ACTL6B: variants seen among roughly 807,000 people sequenced by gnomAD.
ACTL6B encodes the protein actin-like protein 6B.
ACTL6B carries 48 observed loss-of-function variants against 63.3 expected under a neutral mutation model. That is an observed-to-expected ratio of 0.76 (90% confidence interval 0.60 to 0.96). The LOEUF is 0.96. Ranked by LOEUF, ACTL6B falls within the 50% of genes least tolerant of loss-of-function variation. ACTL6B has a pLI of 0.00. For missense variants in ACTL6B, 350 were observed against 572.2 expected (o/e 0.61, Z 3.96); for synonymous variants, 230 against 223.8 (o/e 1.03, Z -0.25).
Position 100,643,633 on chromosome 7 carries a change from G to A in ACTL6B, c.1201-307C>T, listed in dbSNP as rs1160261189. 3.3e-5 allele frequency among the ~76,000 whole-genome samples: 5 copies of A among 152,218 alleles called. No homozygotes were observed. The East Asian group carries it at 7.7e-4, about 24-fold the overall frequency. ...GATGGCACGCACAGCCCCAGGCCAG[G>A]CAACCTGCACCTGGCACTCAACACC... On this transcript the variant is annotated intron_variant, in intron 13 of 13. Coordinates refer to ENST00000160382, the MANE Select transcript of ACTL6B (RefSeq NM_016188.5).
intron 4 of ACTL6B, among the ~76,000 whole-genome samples, chr7:100,652,663 G>A (rs1803962856): frequency 6.6e-6 from 1 of 150,730 alleles, no homozygotes; most frequent in Non-Finnish European, 1.5e-5. Context: ...ATTGATGAAT[G>A]ATTTAGGGTT....
intron 4 of ACTL6B, among the ~76,000 whole-genome samples, chr7:100,650,383 AAC>A (rs909116234): frequency 6.0e-5 from 9 of 151,046 alleles, no homozygotes; most frequent in Non-Finnish European, 8.9e-5. Flanking sequence ...GACACACATA[AAC>A]ACACACATGC....
chr7:100,651,756 A>G (rs1225789232), intron 4 of ACTL6B, among the ~76,000 whole-genome samples: 2 of 151,386 alleles, frequency 1.3e-5, no homozygotes, highest in Non-Finnish European at 2.9e-5. Context: ...GCTAATTTTT[A>G]TATTTTTGGT....
rs1000994915 is a variant in ACTL6B, at chr7:100,655,222, A to G, written c.269-103T>C. The G allele has an allele frequency of 2.5e-6, 3 of 1,209,628 alleles. No homozygotes were observed. The African/African-American group carries it at 4.5e-5, about 18-fold the overall frequency. 74.9% of individuals were successfully genotyped at this position (1,209,628 alleles called of 1,614,324 possible). On this transcript the variant is annotated intron_variant, in intron 3 of 13. Transcript: ENST00000160382. This position sits in a 1 kb window ranked among gnomAD's most constrained non-coding sequence, Gnocchi z 4.4. Reference sequence around the variant, plus strand: ...GGCCAAGCCCAAAGGAGGGTCAGTGAGTCCAGCTCCAGGGGAACGCCCCCC... The same window carrying G: ...GGCCAAGCCCAAAGGAGGGTCAGTGGGTCCAGCTCCAGGGGAACGCCCCCC...
chr7:100,656,226 G>C, intron 1 of ACTL6B, 104 bp downstream of exon 1: 4 of 1,277,128 alleles, frequency 3.1e-6, no homozygotes, highest in Non-Finnish European at 4.0e-6. Flanking sequence ...GACTCGACCC[G>C]CTCGTGCGCG....
At chr7:100,651,300 C>T (rs531095352) in intron 4 of ACTL6B, among the ~76,000 whole-genome samples, 1 of 152,016 alleles carries the variant, frequency 6.6e-6, no homozygotes, top group South Asian at 2.1e-4. Flanking sequence ...CCTGTAATCC[C>T]AGCGCTTTGG....
In ACTL6B at chr7:100,646,980, C is replaced by G. The variant is rs139951317; in HGVS notation, c.927G>C (p.Ser309=). 9 of 1,613,706 alleles carry G rather than the reference C, an allele frequency of 5.6e-6. No individual in the cohort carries two copies. The highest frequency in any genetic ancestry group is 1.3e-5 in the African/African-American group (1 of 74,836). ...CGCCACACAGCCAAACCTTGACGTT[C>G]GAGGGATCAAACAGGCCCTCAGGGA... ...LRIPEGLFDP[S]NVKGLSGNTM... Residue 309 remains serine (S), a synonymous_variant, in exon 10 of 14, where the codon TCG becomes TCC. Coordinates refer to ENST00000160382, the MANE Select transcript of ACTL6B (RefSeq NM_016188.5). This position sits in a 1 kb window ranked among gnomAD's most constrained non-coding sequence, Gnocchi z 6.1.
chr7:100,645,255 C>T (rs1430237185), intron 13 of ACTL6B, among the ~76,000 whole-genome samples: 2 of 151,996 alleles, frequency 1.3e-5, no homozygotes, highest in Middle Eastern at 3.2e-3. Flanking sequence ...CCTCCAGATG[C>T]GGGTTGCAAC....
chr7:100,655,575 G>A lies in ACTL6B; in HGVS notation c.114C>T (p.Pro38=). The stretch of plus-strand genomic sequence containing the variant: ...CCGCGGCCAGCAGCCCCACTGTGGT[G>A]GGGAAGTCAGCCTGGTGGGGAAGGG... The part of the protein sequence containing the change: ...AGEDCPKADF[P]TTVGLLAAEE... The change falls in exon 3 of 14, where the codon CCC becomes CCT. Residue 38 remains proline, a synonymous_variant. Coordinates refer to ENST00000160382, the MANE Select transcript of ACTL6B (RefSeq NM_016188.5). This position sits in a 1 kb window ranked among gnomAD's most constrained non-coding sequence, Gnocchi z 4.4. 1.9e-6 allele frequency: 3 copies of A among 1,612,782 alleles called. No individual in the cohort carries two copies. Among genetic ancestry groups the A allele is most frequent in the Non-Finnish European group, 2.5e-6 (3 of 1,179,354 alleles).
In ACTL6B at chr7:100,648,496, A is replaced by G; in HGVS notation, c.669+60T>C. 1 of 1,402,314 alleles carries G rather than the reference A, an allele frequency of 7.1e-7. No homozygotes were observed. Among genetic ancestry groups the G allele is most frequent in the South Asian group, 1.4e-5 (1 of 71,122 alleles). The allele number at this position is 1,402,314 out of a possible 1,614,324, so 86.9% of individuals were successfully genotyped here. ...TGATATCTCATGTGTCAGAGGGTTG[A>G]CGGCCATGGGGCGAGTGGCCAGGAC... On this transcript the variant is annotated intron_variant, in intron 7 of 13. Coordinates refer to ENST00000160382, the MANE Select transcript of ACTL6B (RefSeq NM_016188.5). The surrounding 1 kb of genome is among the most constrained non-coding windows in gnomAD (Gnocchi z 4.4).
chr7:100,650,963 G>GACATTCT (rs1475317680), intron 4 of ACTL6B, among the ~76,000 whole-genome samples: 13 of 152,202 alleles, frequency 8.5e-5, no homozygotes, highest in Middle Eastern at 3.4e-3. Context: ...TCAGAATGAA[G>GACATTCT]AGACATACTA....
chr7:100,650,176 A>C (rs1803910650), intron 4 of ACTL6B, 41 bp from the exon 5 acceptor site: 2 of 1,585,418 alleles, frequency 1.3e-6, no homozygotes, highest in Non-Finnish European at 1.7e-6. Context: ...AGGAAGGGAG[A>C]GGCACAGACC....
Position 100,646,715 on chromosome 7 carries a change from C to G in ACTL6B, c.1017+36G>C, listed in dbSNP as rs528372092. On this transcript the variant is annotated intron_variant, in intron 11 of 13. Transcript: ENST00000160382. The surrounding 1 kb of genome is among the most constrained non-coding windows in gnomAD (Gnocchi z 6.1). ...ACCCCGTCTCCCCACTTCCCCTGGGCCCCTTTGCCGAGCCTCAGCTCCGGC... is the reference window on the plus strand; with the variant it reads ...ACCCCGTCTCCCCACTTCCCCTGGGGCCCTTTGCCGAGCCTCAGCTCCGGC... 3.1e-6 allele frequency: 5 copies of G among 1,612,872 alleles called. No individual in the cohort carries two copies. In the Admixed American group the frequency reaches 6.7e-5, roughly 22 times the overall value.
chr7:100,652,417 A>ATG (rs1217612869), intron 4 of ACTL6B, among the ~76,000 whole-genome samples: 4 of 129,842 alleles, frequency 3.1e-5, no homozygotes, highest in East Asian at 2.2e-4. Flanking sequence ...GTGAGACTCC[A>ATG]TCTCAAAAAA....
chr7:100,643,963 G>A (rs1162314706), intron 13 of ACTL6B, among the ~76,000 whole-genome samples: 5 of 151,828 alleles, frequency 3.3e-5, no homozygotes, highest in Admixed American at 6.6e-5. Flanking sequence ...GCAGTGGTGC[G>A]ATCTTGGCTC....
At position 100,656,445 on chromosome 7, in the gene ACTL6B, A is replaced by T; in HGVS notation, c.-91T>A. 2 of 1,242,168 alleles carry T rather than the reference A, an allele frequency of 1.6e-6. No individual in the cohort carries two copies. Among genetic ancestry groups the T allele is most frequent in the Non-Finnish European group, 2.0e-6 (2 of 985,712 alleles). The allele number at this position is 1,242,168 out of a possible 1,614,324, so 76.9% of individuals were successfully genotyped here. A position where few individuals can be genotyped will look rare whatever the true frequency, so the allele number is the denominator to read the frequency against. On this transcript the variant is annotated 5_prime_UTR_variant, in exon 1 of 14. Transcript: ENST00000160382. ...CTCCCGGGATCCCTGGCGGGGCGGGACTCTCAGCGGCCAATTGGGAGGCCG... is the reference window on the plus strand; with the variant it reads ...CTCCCGGGATCCCTGGCGGGGCGGGTCTCTCAGCGGCCAATTGGGAGGCCG...
Position 100,655,368 on chromosome 7 carries a change from T to G in ACTL6B, c.268+53A>C. On this transcript the variant is annotated intron_variant, in intron 3 of 13. Coordinates refer to ENST00000160382, the MANE Select transcript of ACTL6B (RefSeq NM_016188.5). This position sits in a 1 kb window ranked among gnomAD's most constrained non-coding sequence, Gnocchi z 4.4. ...GAGTGGGGGCTGCTATGACCCAGAT[T>G]GTGGGGAGCGGGCTCCTTTTCTGTC... 3 of 1,578,868 alleles carry G rather than the reference T, an allele frequency of 1.9e-6. No individual in the cohort carries two copies. Among genetic ancestry groups the G allele is most frequent in the Non-Finnish European group, 2.6e-6 (3 of 1,160,490 alleles).
chr7:100,650,196 G>T, intron 4 of ACTL6B, 61 bp from the exon 5 acceptor site: 4 of 1,446,378 alleles, frequency 2.8e-6, no homozygotes, highest in Non-Finnish European at 3.9e-6. Context: ...CCACATCCAC[G>T]CACACGCAAC....
chr7:100,643,230 GT>G lies in ACTL6B; in HGVS notation c.*15del. 8 of 1,613,624 alleles carry G rather than the reference GT, an allele frequency of 5.0e-6. No individual in the cohort carries two copies. Among genetic ancestry groups the G allele is most frequent in the Non-Finnish European group, 6.8e-6 (8 of 1,179,670 alleles). On this transcript the variant is annotated 3_prime_UTR_variant, in exon 14 of 14. Transcript: ENST00000160382. ...TCCATCTGAGCTTGGGAGCAGGTGT[GT>G]GGGGAGGAGTGCCATCAGGGGCACT...
Sources: gnomAD v4.1 joint callset for allele counts (sites outside exome capture counted in the v4.1 genomes callset) on GRCh38, gnomAD v4.1.1 for gene constraint, Gnocchi (gnomAD v3.1) non-coding constraint, MANE v1.5 for transcripts, NCBI Gene and HGNC (gene_info 2026-07-23, HGNC 2026-07-21) for gene names.